RBFOX1: variants seen among roughly 807,000 people sequenced by gnomAD.
The protein encoded by RBFOX1 is RNA binding fox-1 homolog 1.
In RBFOX1, 8 loss-of-function variants were observed where a neutral mutation model predicts 57.7. The ratio of observed to expected loss-of-function variants is 0.14; its 90% CI spans 0.08 to 0.25. The LOEUF is 0.25. Ranked by LOEUF, RBFOX1 falls within the 10% of genes least tolerant of loss-of-function variation. The pLI, the probability that RBFOX1 is intolerant of heterozygous loss-of-function variation, is 1.00. For synonymous variants in RBFOX1, 326 were observed against 222.4 expected (o/e 1.47, Z -4.15); for missense variants, 611 against 548.5 (o/e 1.11, Z -1.14).
intron 2 of RBFOX1, among the ~76,000 whole-genome samples, chr16:6,397,016 A>G (rs1406899825): frequency 6.6e-6 from 1 of 152,230 alleles, no homozygotes; most frequent in Non-Finnish European, 1.5e-5. Flanking sequence ...TCAATTTGAA[A>G]AAAAGCAAAT....
chr16:7,393,497 A>G (rs2098082067), intron 4 of RBFOX1, among the ~76,000 whole-genome samples: 1 of 152,124 alleles, frequency 6.6e-6, no homozygotes, highest in African/African-American at 2.4e-5. Context: ...CTTAGGTCAG[A>G]TTTCCTAGGG....
intron 4 of RBFOX1, among the ~76,000 whole-genome samples, chr16:7,231,080 C>G (rs917382562): frequency 6.6e-5 from 10 of 152,138 alleles, no homozygotes; most frequent in Admixed American, 3.9e-4. Context: ...CCTCCAGAAT[C>G]TACCTCTCCA....
intron 3 of RBFOX1, among the ~76,000 whole-genome samples, chr16:5,786,692 CT>C (rs2054512166): frequency 1.3e-5 from 2 of 152,188 alleles, no homozygotes; most frequent in Non-Finnish European, 2.9e-5. Context: ...GACAGTGCCT[CT>C]TTCCTGCTTT....
chr16:5,579,543 A>G (rs1328981445), intron 2 of RBFOX1, among the ~76,000 whole-genome samples: 2 of 151,718 alleles, frequency 1.3e-5, no homozygotes, highest in African/African-American at 4.8e-5. Flanking sequence ...AAAACCCCCA[A>G]TCCTCTAGTC....
chr16:5,885,623 T>A (rs1301367322), intron 4 of RBFOX1, among the ~76,000 whole-genome samples: 1 of 152,160 alleles, frequency 6.6e-6, no homozygotes, highest in Non-Finnish European at 1.5e-5. Context: ...ATTGGAGTTG[T>A]CTATTCTATG....
intron 2 of RBFOX1, among the ~76,000 whole-genome samples, chr16:6,610,667 A>G (rs975747478): frequency 1.6e-4 from 25 of 152,188 alleles, no homozygotes; most frequent in African/African-American, 6.0e-4. Context: ...AACTCAGGTG[A>G]GCTTCATATA....
At chr16:7,251,329 G>T (rs2094492014) in intron 4 of RBFOX1, among the ~76,000 whole-genome samples, 1 of 150,986 alleles carries the variant, frequency 6.6e-6, no homozygotes, top group Admixed American at 6.6e-5. Flanking sequence ...CATCCACAGT[G>T]TTGCAGTTGA....
chr16:5,850,984 G>A (rs1006599241), intron 3 of RBFOX1, among the ~76,000 whole-genome samples: 1 of 152,202 alleles, frequency 6.6e-6, no homozygotes, highest in Non-Finnish European at 1.5e-5. Flanking sequence ...CATCCTCTGA[G>A]CTAAGCCGAG....
intron 2 of RBFOX1, among the ~76,000 whole-genome samples, chr16:6,464,705 G>A (rs1285357833): frequency 6.6e-6 from 1 of 152,202 alleles, no homozygotes; most frequent in Non-Finnish European, 1.5e-5. Flanking sequence ...CACCTCTCTT[G>A]TGCTTTGATT....
chr16:6,869,840 C>T (rs75521108), intron 3 of RBFOX1, among the ~76,000 whole-genome samples: 1 of 152,144 alleles, frequency 6.6e-6, no homozygotes, highest in Admixed American at 6.5e-5. Flanking sequence ...GACTGCTTCA[C>T]GGGAATCAGG....
chr16:5,791,015 C>T (rs1419609124), intron 3 of RBFOX1, among the ~76,000 whole-genome samples: 2 of 151,966 alleles, frequency 1.3e-5, no homozygotes, highest in Non-Finnish European at 2.9e-5. Context: ...ATTACAGGTG[C>T]ATACCACCAC....
At chr16:7,691,505 G>A (rs2077330186) in intron 14 of RBFOX1, among the ~76,000 whole-genome samples, 1 of 151,148 alleles carries the variant, frequency 6.6e-6, no homozygotes, top group South Asian at 2.1e-4. Context: ...GAAGGAAAAA[G>A]GGTAGTTTAA....
At chr16:6,088,648 C>T (rs1003144668) in intron 1 of RBFOX1, among the ~76,000 whole-genome samples, 1 of 152,104 alleles carries the variant, frequency 6.6e-6, no homozygotes, top group Non-Finnish European at 1.5e-5. Flanking sequence ...CTTCTGAGCA[C>T]TCACATTTTA....
At chr16:5,353,371 T>A (rs1336206178) in intron 1 of RBFOX1, among the ~76,000 whole-genome samples, 20 of 112,848 alleles carry the variant, frequency 1.8e-4, no homozygotes, top group African/African-American at 5.5e-4. Flanking sequence ...GAGTAGTGTC[T>A]GAAAAAAAAA....
At chr16:7,032,768 C>G (rs933233303) in intron 3 of RBFOX1, among the ~76,000 whole-genome samples, 2 of 152,066 alleles carry the variant, frequency 1.3e-5, no homozygotes, top group Non-Finnish European at 2.9e-5. Context: ...TCCTTTTACC[C>G]TCTATGAGAC....
chr16:7,410,211 G>A (rs1264325931), intron 4 of RBFOX1, among the ~76,000 whole-genome samples: 1 of 152,178 alleles, frequency 6.6e-6, no homozygotes, highest in African/African-American at 2.4e-5. Context: ...TGACCGCTAT[G>A]GTCCAGGCAC....
At chr16:7,282,896 G>T (rs534305365) in intron 4 of RBFOX1, among the ~76,000 whole-genome samples, 5 of 152,282 alleles carry the variant, frequency 3.3e-5, no homozygotes, top group African/African-American at 1.2e-4. Context: ...CCAGGTTGCT[G>T]CAACTGCGAT....
chr16:5,838,745 T>C (rs991031931), intron 3 of RBFOX1: 1 of 152,232 alleles, frequency 6.6e-6, no homozygotes, highest in African/African-American at 2.4e-5. Context: ...AGTTCTAATA[T>C]TGGTGACAGC....
chr16:6,524,301 T>C (rs114668350), intron 2 of RBFOX1, among the ~76,000 whole-genome samples: 2,908 of 152,316 alleles, frequency 0.019, 73 homozygotes, highest in African/African-American at 0.063. Context: ...CAGTTCATTC[T>C]GTGTTGTTGC....
Sources: allele counts gnomAD v4.1 joint callset (sites outside exome capture counted in the v4.1 genomes callset), GRCh38; gene constraint gnomAD v4.1.1; transcripts MANE v1.5; gene names NCBI Gene and HGNC (gene_info 2026-07-23, HGNC 2026-07-21).